Variants in SLC2A13 observed in about 807,000 individuals in gnomAD.
The protein encoded by SLC2A13 is proton myo-inositol cotransporter.
In SLC2A13, 32 loss-of-function variants were observed where a neutral mutation model predicts 64.4. That is an observed-to-expected ratio of 0.50 (90% CI 0.37 to 0.67). The LOEUF (loss-of-function observed/expected upper bound fraction) is 0.67. Ranked by LOEUF, SLC2A13 falls within the 30% of genes least tolerant of loss-of-function variation. The pLI is 0.00. For missense variants in SLC2A13, 743 were observed against 829.2 expected, an observed-to-expected ratio of 0.90 and a Z score of 1.28; for synonymous variants, 338 against 327.1, an observed-to-expected ratio of 1.03 and a Z score of -0.36.
chr12:39,812,653 A>G (rs887927391), intron 7 of SLC2A13, among the ~76,000 whole-genome samples: 2 of 151,170 alleles, frequency 1.3e-5, no homozygotes, highest in African/African-American at 4.9e-5. Context: ...GTATATTTTT[A>G]GTAGAGATGA....
chr12:39,995,497 T>G (rs907878825), intron 3 of SLC2A13, among the ~76,000 whole-genome samples: 7 of 152,172 alleles, frequency 4.6e-5, no homozygotes, highest in Non-Finnish European at 8.8e-5. Flanking sequence ...TGAGAACATG[T>G]GCATGTCACT....
rs368040808 is a variant in SLC2A13 at position 39,990,982 on chromosome 12, C to T, written c.925+37319G>A. 2.6e-5 allele frequency among the ~76,000 whole-genome samples: 4 copies of T among 152,152 alleles called. No homozygotes were observed. The East Asian group carries it at 5.8e-4, about 22-fold the overall frequency. Reference sequence around the variant, plus strand: ...GAAGTGTGTGCCAAACACTGATTTTCCTCCTGTAAAGTGAAGGCTTGGACC... The same window carrying T: ...GAAGTGTGTGCCAAACACTGATTTTTCTCCTGTAAAGTGAAGGCTTGGACC... On this transcript the variant is annotated intron_variant, in intron 3 of 9. Coordinates refer to ENST00000280871, the MANE Select transcript of SLC2A13 (RefSeq NM_052885.4).
intron 7 of SLC2A13, among the ~76,000 whole-genome samples, chr12:39,792,431 A>G (rs556583666): frequency 7.9e-5 from 12 of 152,312 alleles, no homozygotes; most frequent in African/African-American, 2.6e-4. Flanking sequence ...CATCAGAGTG[A>G]ACAGGCAACA....
intron 4 of SLC2A13, among the ~76,000 whole-genome samples, chr12:39,889,435 T>G (rs1944545986): frequency 6.6e-6 from 1 of 152,036 alleles, no homozygotes; most frequent in African/African-American, 2.4e-5. Flanking sequence ...ATTTTACAAC[T>G]GCTGTAAACT....
intron 4 of SLC2A13, among the ~76,000 whole-genome samples, chr12:39,932,255 A>G (rs1209743456): frequency 2.0e-5 from 3 of 152,184 alleles, no homozygotes; most frequent in Non-Finnish European, 4.4e-5. Flanking sequence ...GGGGGGAATC[A>G]GGCACTTCAA....
At chr12:39,824,143 T>C (rs941804952) in intron 7 of SLC2A13, among the ~76,000 whole-genome samples, 1 of 152,216 alleles carries the variant, frequency 6.6e-6, no homozygotes, top group Non-Finnish European at 1.5e-5. Context: ...GAAGCAAATA[T>C]ACATTCAAAC....
chr12:39,854,880 T>C (rs1309783059), intron 6 of SLC2A13, among the ~76,000 whole-genome samples: 1 of 152,192 alleles, frequency 6.6e-6, no homozygotes, highest in Non-Finnish European at 1.5e-5. Context: ...TCCATTTTCA[T>C]TGGTCTGAGA....
chr12:39,931,137 T>C (rs1340499651), intron 4 of SLC2A13, among the ~76,000 whole-genome samples: 6 of 152,218 alleles, frequency 3.9e-5, no homozygotes, highest in African/African-American at 1.2e-4. Flanking sequence ...AAAATATTCA[T>C]ATTAGAGATA....
intron 3 of SLC2A13, among the ~76,000 whole-genome samples, chr12:39,972,022 T>TATA (rs368933021): frequency 0.42 from 38,521 of 91,038 alleles, 8,172 homozygotes; most frequent in East Asian, 0.46. Context: ...ATATTTTTTT[T>TATA]TATATAAATA....
chr12:39,816,783 A>G (rs992894353), intron 7 of SLC2A13, among the ~76,000 whole-genome samples: 3 of 152,050 alleles, frequency 2.0e-5, no homozygotes, highest in African/African-American at 7.2e-5. Flanking sequence ...ATTTGCCTTC[A>G]TCCTTAGTTC....
chr12:39,898,251 A>G (rs1944979487), intron 4 of SLC2A13, among the ~76,000 whole-genome samples: 1 of 152,196 alleles, frequency 6.6e-6, no homozygotes, highest in African/African-American at 2.4e-5. Flanking sequence ...TACTGCACAG[A>G]AAAGAACCAA....
intron 7 of SLC2A13, among the ~76,000 whole-genome samples, chr12:39,822,232 C>T (rs1592171555): frequency 6.6e-6 from 1 of 151,956 alleles, no homozygotes; most frequent in East Asian, 1.9e-4. Context: ...ACGTTTCCTG[C>T]CCAAGTGTTA....
intron 4 of SLC2A13, among the ~76,000 whole-genome samples, chr12:39,922,791 A>ATCACTGTCCT: frequency 6.6e-6 from 1 of 152,004 alleles, no homozygotes; most frequent in South Asian, 2.1e-4. Context: ...AGCTAGTCTT[A>ATCACTGTCCT]CAAAACTAGC....
Position 40,105,988 on chromosome 12 carries a change from G to T in SLC2A13, c.-180C>A. The T allele has an allele frequency of 1.5e-6, 1 of 666,000 alleles. No homozygotes were observed. The highest frequency in any genetic ancestry group is 2.2e-6 in the Non-Finnish European group (1 of 459,076). 41.3% of individuals were successfully genotyped at this position (666,000 alleles called of 1,614,324 possible). On this transcript the variant is annotated 5_prime_UTR_variant, in exon 1 of 10. Transcript: ENST00000280871. This position sits in a 1 kb window ranked among gnomAD's most constrained non-coding sequence, Gnocchi z 4.2. ...CGGCCGCTCCGGGGAGAAAGTTGCT[G>T]CCCGCCGCGCTCCGACGCTGCGGAG...
At chr12:39,809,136 T>C (rs549981274) in intron 7 of SLC2A13, among the ~76,000 whole-genome samples, 10 of 152,312 alleles carry the variant, frequency 6.6e-5, no homozygotes, top group African/African-American at 1.4e-4. Context: ...GCAATGTAGA[T>C]AGCCAACTGT....
chr12:39,780,641 A>G (rs1940946319), intron 7 of SLC2A13, among the ~76,000 whole-genome samples: 1 of 152,232 alleles, frequency 6.6e-6, no homozygotes. Context: ...AGAAGTTAAA[A>G]TATCACATAT....
chr12:39,879,250 G>A (rs1395097296), intron 4 of SLC2A13, among the ~76,000 whole-genome samples: 1 of 152,242 alleles, frequency 6.6e-6, no homozygotes, highest in Admixed American at 6.5e-5. Context: ...GAAGTACCAA[G>A]GGGAAATGTG....
intron 1 of SLC2A13, among the ~76,000 whole-genome samples, chr12:40,057,112 GAATTT>G (rs766431885): frequency 3.3e-5 from 5 of 152,036 alleles, no homozygotes; most frequent in Non-Finnish European, 7.4e-5. Flanking sequence ...AAAAACACAC[GAATTT>G]AATAGCAGAA....
At chr12:40,103,142 G>C (rs928228996) in intron 1 of SLC2A13, among the ~76,000 whole-genome samples, 2 of 152,184 alleles carry the variant, frequency 1.3e-5, no homozygotes, top group Non-Finnish European at 2.9e-5. Flanking sequence ...CTGCAAGACA[G>C]AGAGGCCTCC....
Sources: allele counts gnomAD v4.1 joint callset (sites outside exome capture counted in the v4.1 genomes callset), GRCh38; gene constraint gnomAD v4.1.1; non-coding constraint Gnocchi (gnomAD v3.1); transcripts MANE v1.5; gene names NCBI Gene and HGNC (gene_info 2026-07-23, HGNC 2026-07-21).